Variants in KCNAB1 observed in about 807,000 individuals in gnomAD.
KCNAB1 encodes potassium voltage-gated channel subfamily A regulatory beta subunit 1, also known as voltage-gated potassium channel subunit beta-1.
A neutral mutation model predicts 64.6 loss-of-function variants in KCNAB1; 35 were observed. The ratio of observed to expected loss-of-function variants is 0.54; its 90% confidence interval spans 0.41 to 0.72. The LOEUF (loss-of-function observed/expected upper bound fraction) is 0.72. KCNAB1 is among the 30% of genes least tolerant of loss of function. The pLI, the probability that KCNAB1 is intolerant of heterozygous loss-of-function variation, is 0.00. For synonymous variants in KCNAB1, 177 were observed against 183.8 expected, an observed-to-expected ratio of 0.96 and a Z score of 0.30; for missense variants, 401 against 512.9, an observed-to-expected ratio of 0.78 and a Z score of 2.11.
intron 1 of KCNAB1, among the ~76,000 whole-genome samples, chr3:156,317,804 C>G (rs1372945233): frequency 6.6e-6 from 1 of 152,178 alleles, no homozygotes; most frequent in Non-Finnish European, 1.5e-5. Context: ...AACCATTACT[C>G]TGCACCCACA....
chr3:156,433,775 G>A (rs1247038070), intron 2 of KCNAB1, among the ~76,000 whole-genome samples: 2 of 152,176 alleles, frequency 1.3e-5, no homozygotes, highest in Non-Finnish European at 2.9e-5. Context: ...CCTCACTTGG[G>A]TTTTGGCTTG....
intron 1 of KCNAB1, among the ~76,000 whole-genome samples, chr3:156,153,784 C>G (rs768775032): frequency 1.5e-4 from 23 of 152,220 alleles, no homozygotes; most frequent in Non-Finnish European, 2.9e-4. Context: ...TGGGTCCAAA[C>G]TTACACCATT....
chr3:156,249,798 T>C (rs1717712315), intron 1 of KCNAB1, among the ~76,000 whole-genome samples: 1 of 152,104 alleles, frequency 6.6e-6, no homozygotes, highest in African/African-American at 2.4e-5. Flanking sequence ...GAAAGAGTTG[T>C]TGGAAAATGT....
rs141926801 is a variant in KCNAB1, at chr3:156,309,708, A to G, written c.276-111908A>G. On this transcript the variant is annotated intron_variant, in intron 1 of 13. Coordinates refer to ENST00000490337, the MANE Select transcript of KCNAB1 (RefSeq NM_172160.3). ...TCACACAATCTTTGTGATCAGCATC[A>G]AAGAAAGAGCTGGCCTATGCTTACG... Among the ~76,000 whole-genome samples, 834 of 152,330 alleles carry G rather than the reference A, an allele frequency of 5.5e-3. 6 individuals are homozygous for G. The highest frequency in any genetic ancestry group is 6.0e-3 in the Non-Finnish European group (405 of 68,026).
chr3:156,429,752 A>G (rs1295766049), intron 2 of KCNAB1, among the ~76,000 whole-genome samples: 2 of 152,228 alleles, frequency 1.3e-5, no homozygotes, highest in African/African-American at 4.8e-5. Flanking sequence ...TAAGAGCAGC[A>G]ATAATAAATA....
At chr3:156,296,209 A>G (rs1055070298) in intron 1 of KCNAB1, among the ~76,000 whole-genome samples, 2 of 152,224 alleles carry the variant, frequency 1.3e-5, no homozygotes, top group African/African-American at 2.4e-5. Context: ...CATTCAGGAC[A>G]GAAGTTAAGG....
Position 156,286,720 on chromosome 3 carries a change from C to G in KCNAB1, c.276-134896C>G, listed in dbSNP as rs1720116475. Among the ~76,000 whole-genome samples the G allele has an allele frequency of 2.0e-5, 3 of 152,180 alleles. No homozygotes were observed. The East Asian group carries it at 5.8e-4, about 29-fold the overall frequency. On this transcript the variant is annotated intron_variant, in intron 1 of 13. Transcript: ENST00000490337. ...CTTTTTAAATGGAAATTATTTCTAT[C>G]ACTTATAAAAATATCGGGGTTTCTT...
intron 1 of KCNAB1, chr3:156,143,569 G>GTTTTTTGTTTTTTTTTTTTTTTTT (rs1553807969): frequency 1.4e-5 from 4 of 281,596 alleles, no homozygotes; most frequent in African/African-American, 1.2e-4. Flanking sequence ...TTGCATTCTT[G>GTTTTTTGTTTTTTTTTTTTTTTTT]TTTTTTTTTT....
At chr3:156,469,381 C>T (rs1366402874) in intron 7 of KCNAB1, among the ~76,000 whole-genome samples, 1 of 151,570 alleles carries the variant, frequency 6.6e-6, no homozygotes, top group East Asian at 1.9e-4. Context: ...CTCAGCCTCC[C>T]AGGTAGCTGG....
chr3:156,509,537 A>G (rs1717050093), intron 8 of KCNAB1, among the ~76,000 whole-genome samples: 1 of 152,170 alleles, frequency 6.6e-6, no homozygotes, highest in Admixed American at 6.5e-5. Flanking sequence ...CACCCCCAAG[A>G]GATTCTAATA....
chr3:156,536,065 T>A (rs918766233), intron 13 of KCNAB1, among the ~76,000 whole-genome samples: 2 of 152,242 alleles, frequency 1.3e-5, no homozygotes, highest in Non-Finnish European at 2.9e-5. Flanking sequence ...GGGATGCCTG[T>A]TAAACCCCAG....
intron 1 of KCNAB1, among the ~76,000 whole-genome samples, chr3:156,377,463 T>C (rs1711766659): frequency 6.6e-6 from 1 of 152,062 alleles, no homozygotes; most frequent in African/African-American, 2.4e-5. Context: ...GACCAATGGT[T>C]GTATACTGCC....
intron 1 of KCNAB1, among the ~76,000 whole-genome samples, chr3:156,214,587 G>T (rs970020784): frequency 3.3e-5 from 5 of 152,178 alleles, no homozygotes; most frequent in Admixed American, 1.3e-4. Flanking sequence ...GAGAGATTTT[G>T]TCAGCTGAGA....
intron 2 of KCNAB1, among the ~76,000 whole-genome samples, chr3:156,451,316 A>G (rs1374246305): frequency 2.0e-5 from 3 of 152,222 alleles, no homozygotes; most frequent in Non-Finnish European, 2.9e-5. Context: ...CCCTACTTTT[A>G]TTTTAGTCCC....
chr3:156,307,561 T>C (rs906300288), intron 1 of KCNAB1, among the ~76,000 whole-genome samples: 7 of 151,972 alleles, frequency 4.6e-5, no homozygotes, highest in Non-Finnish European at 7.4e-5. Context: ...AAAAAGAAAA[T>C]CAAGGGCTGT....
chr3:156,421,781 G>T (rs1715479860), intron 2 of KCNAB1, 122 bp downstream of exon 2: 8 of 749,556 alleles, frequency 1.1e-5, no homozygotes, highest in Non-Finnish European at 1.8e-5. Flanking sequence ...TTCCTGGCCA[G>T]TATTGCCCCA....
intron 1 of KCNAB1, among the ~76,000 whole-genome samples, chr3:156,224,552 A>G (rs1341370487): frequency 6.6e-6 from 1 of 152,258 alleles, no homozygotes; most frequent in Admixed American, 6.5e-5. Context: ...AACCCAGCAG[A>G]AGAAAAGAAA....
At chr3:156,124,250 T>C (rs1316464589) in intron 1 of KCNAB1, among the ~76,000 whole-genome samples, 1 of 151,624 alleles carries the variant, frequency 6.6e-6, no homozygotes, top group Non-Finnish European at 1.5e-5. Flanking sequence ...GGAGTCTCAC[T>C]CTGTTGCCTA....
intron 8 of KCNAB1, among the ~76,000 whole-genome samples, chr3:156,512,952 C>A (rs1717309256): frequency 6.6e-6 from 1 of 152,242 alleles, no homozygotes; most frequent in South Asian, 2.1e-4. Context: ...GTGGCTCACG[C>A]CTGTAATCCC....
Sources: gnomAD v4.1 joint callset for allele counts (sites outside exome capture counted in the v4.1 genomes callset) on GRCh38, gnomAD v4.1.1 for gene constraint, MANE v1.5 for transcripts, NCBI Gene and HGNC (gene_info 2026-07-23, HGNC 2026-07-21) for gene names.